The following EYA4 variants were observed in gnomAD, a reference collection of about 807,000 sequenced individuals.
EYA4 encodes EYA transcriptional coactivator and phosphatase 4, also known as protein phosphatase EYA4.
A neutral mutation model predicts 87.9 loss-of-function variants in EYA4; 31 were observed. The ratio of observed to expected loss-of-function variants is 0.35; its 90% CI spans 0.27 to 0.48. The LOEUF (loss-of-function observed/expected upper bound fraction) is 0.48. Ranked by LOEUF, EYA4 falls within the 20% of genes least tolerant of loss-of-function variation. EYA4 has a pLI of 0.99. For missense variants in EYA4, 678 were observed against 761.4 expected (o/e 0.89, Z 1.29); for synonymous variants, 263 against 270.6 (o/e 0.97, Z 0.28).
At position 133,525,112 on chromosome 6, in the gene EYA4, C is replaced by A. The variant is rs761833510; in HGVS notation, c.1739-42C>A. The A allele has an allele frequency of 8.7e-6, 14 of 1,613,424 alleles. No individual in the cohort carries two copies. The African/African-American group carries it at 1.3e-4, about 15-fold the overall frequency. ...GCCGAGATGAGGAGCATGCCGCTAACCAGGTAACTTCACTCTGAACTTTAT... is the reference window on the plus strand; with the variant it reads ...GCCGAGATGAGGAGCATGCCGCTAAACAGGTAACTTCACTCTGAACTTTAT... On this transcript the variant is annotated intron_variant, in intron 18 of 19. Coordinates refer to ENST00000355286, the MANE Select transcript of EYA4 (RefSeq NM_004100.5).
At chr6:133,418,868 A>T (rs1236558780) in intron 3 of EYA4, among the ~76,000 whole-genome samples, 1 of 152,218 alleles carries the variant, frequency 6.6e-6, no homozygotes, top group Non-Finnish European at 1.5e-5. Context: ...ACCCAGGAGC[A>T]GTAATTTCTA....
chr6:133,240,926 GC>G (rs1773892055), upstream of EYA4: 1 of 152,414 alleles, frequency 6.6e-6, no homozygotes, highest in Non-Finnish European at 1.5e-5. Flanking sequence ...TCCGGGGGCT[GC>G]CCCACAGAAG....
chr6:133,288,642 C>A (rs142115216), intron 2 of EYA4, among the ~76,000 whole-genome samples: 253 of 152,128 alleles, frequency 1.7e-3, no homozygotes, highest in Middle Eastern at 0.014. Context: ...CAGTATTTTC[C>A]TTGAGGTGAT....
At chr6:133,315,093 C>T (rs1780523943) in intron 2 of EYA4, among the ~76,000 whole-genome samples, 1 of 152,188 alleles carries the variant, frequency 6.6e-6, no homozygotes, top group Non-Finnish European at 1.5e-5. Context: ...GGAACGGAGC[C>T]AGTCTCTTGG....
chr6:133,440,735 C>A (rs1158394170), intron 3 of EYA4, among the ~76,000 whole-genome samples: 1 of 152,090 alleles, frequency 6.6e-6, no homozygotes, highest in African/African-American at 2.4e-5. Context: ...ATAATCATTT[C>A]TGATACAAGA....
chr6:133,517,352 C>A (rs1200544443), intron 17 of EYA4, among the ~76,000 whole-genome samples: 1 of 151,924 alleles, frequency 6.6e-6, no homozygotes, highest in Non-Finnish European at 1.5e-5. Context: ...AACCAACCTG[C>A]CCTTGTACCC....
rs958188090 is a variant in EYA4, at chr6:133,388,023, C to T, written c.83+5582C>T. Among the ~76,000 whole-genome samples, 72 of 152,212 alleles carry T rather than the reference C, an allele frequency of 4.7e-4. 1 individual carries two copies. The highest frequency in any genetic ancestry group is 2.2e-4 in the Non-Finnish European group (15 of 68,024). On this transcript the variant is annotated intron_variant, in intron 3 of 19. Coordinates refer to ENST00000355286, the MANE Select transcript of EYA4 (RefSeq NM_004100.5). ...CTTTGATAGCTGACCTATCTTGATC[C>T]TTTGTTCATGGTGGCATCTGTGCTG...
chr6:133,339,856 T>C (rs140111508), intron 2 of EYA4, among the ~76,000 whole-genome samples: 14 of 152,224 alleles, frequency 9.2e-5, no homozygotes, highest in Non-Finnish European at 1.8e-4. Context: ...GACGCTGACT[T>C]TGAGGCAGCG....
At chr6:133,348,436 T>A (rs1783382671) in intron 2 of EYA4, among the ~76,000 whole-genome samples, 1 of 151,958 alleles carries the variant, frequency 6.6e-6, no homozygotes, top group African/African-American at 2.4e-5. Flanking sequence ...GGCTAATTTT[T>A]TTGTATTGTT....
intron 2 of EYA4, among the ~76,000 whole-genome samples, chr6:133,330,586 CACACACAT>C (rs1012635850): frequency 3.1e-5 from 4 of 129,976 alleles, no homozygotes; most frequent in Non-Finnish European, 4.8e-5. Flanking sequence ...CACACACACA[CACACACAT>C]ACTTTTTTGG....
At chr6:133,365,174 T>TTGATCGC (rs1405002591) in intron 2 of EYA4, among the ~76,000 whole-genome samples, 4 of 152,206 alleles carry the variant, frequency 2.6e-5, no homozygotes, top group South Asian at 4.1e-4. Flanking sequence ...TCTTAGGATA[T>TTGATCGC]TGATCGCTTG....
intron 2 of EYA4, among the ~76,000 whole-genome samples, chr6:133,317,156 C>G (rs1249545069): frequency 1.1e-4 from 17 of 152,184 alleles, no homozygotes. Flanking sequence ...CTTGGCTTAT[C>G]AAAAAGTCAG....
intron 17 of EYA4, among the ~76,000 whole-genome samples, chr6:133,522,804 G>A (rs1800297850): frequency 6.6e-6 from 1 of 152,086 alleles, no homozygotes; most frequent in Non-Finnish European, 1.5e-5. Context: ...GCCTACGTAT[G>A]ACTTTTAATA....
chr6:133,483,642 C>G lies in EYA4; in HGVS notation c.1191+527C>G, dbSNP rs533843913. On this transcript the variant is annotated intron_variant, in intron 13 of 19. Transcript: ENST00000355286. ...CAGCAATAGATGGTCTCATGCCTCA[C>G]CTGCCTTTCTCTCTTGCTATTGTTT... 3.3e-5 allele frequency among the ~76,000 whole-genome samples: 5 copies of G among 151,312 alleles called. No individual in the cohort carries two copies. The South Asian group carries it at 1.0e-3, about 32-fold the overall frequency.
chr6:133,314,383 A>G (rs1189534655), intron 2 of EYA4, among the ~76,000 whole-genome samples: 1 of 152,322 alleles, frequency 6.6e-6, no homozygotes, highest in East Asian at 1.9e-4. Context: ...AAACCTAGTG[A>G]CAAAATGTGT....
intron 13 of EYA4, among the ~76,000 whole-genome samples, chr6:133,493,671 A>G (rs1373731464): frequency 1.3e-5 from 2 of 152,216 alleles, no homozygotes; most frequent in Admixed American, 1.3e-4. Context: ...ACAGAATAGG[A>G]GAAAATATTT....
chr6:133,271,926 G>T (rs1476766629), intron 1 of EYA4, among the ~76,000 whole-genome samples: 1 of 152,198 alleles, frequency 6.6e-6, no homozygotes, highest in Non-Finnish European at 1.5e-5. Context: ...TGATCACTCA[G>T]AGAGGTCTAT....
Position 133,433,838 on chromosome 6 carries a change from C to T in EYA4, c.84-12792C>T, listed in dbSNP as rs192618732. ...CATGAAAAGCTGTTCACTCGGGTCC[C>T]AAATGCCAACTGCATGTGTAGTGAG... On this transcript the variant is annotated intron_variant, in intron 3 of 19. Coordinates refer to ENST00000355286, the MANE Select transcript of EYA4 (RefSeq NM_004100.5). Among the ~76,000 whole-genome samples, 25 of 152,326 alleles carry T rather than the reference C, an allele frequency of 1.6e-4. No homozygotes were observed. The East Asian group carries it at 4.2e-3, about 26-fold the overall frequency.
chr6:133,274,900 A>C, intron 2 of EYA4, 87 bp downstream of exon 2: 4 of 989,072 alleles, frequency 4.0e-6, no homozygotes, highest in Non-Finnish European at 6.4e-6. Context: ...GTAAGAAGTA[A>C]GTTTTTCATT....
Sources: gnomAD v4.1 joint callset for allele counts (sites outside exome capture counted in the v4.1 genomes callset) on GRCh38, gnomAD v4.1.1 for gene constraint, MANE v1.5 for transcripts, NCBI Gene and HGNC (gene_info 2026-07-23, HGNC 2026-07-21) for gene names.